GALNT7: variants seen among roughly 807,000 people sequenced by gnomAD.
GALNT7 encodes N-acetylgalactosaminyltransferase 7.
In GALNT7, 60 loss-of-function variants were observed where a neutral mutation model predicts 82.1. The ratio of observed to expected loss-of-function variants is 0.73; its 90% CI spans 0.59 to 0.91. The LOEUF is 0.91. Ranked by LOEUF, GALNT7 falls within the 40% of genes least tolerant of loss-of-function variation. GALNT7 has a pLI of 0.00. For synonymous variants in GALNT7, 243 were observed against 275.1 expected, an observed-to-expected ratio of 0.88 and a Z score of 1.15; for missense variants, 660 against 804.2, an observed-to-expected ratio of 0.82 and a Z score of 2.17.
At chr4:173,313,582 A>G (rs866578245) in intron 8 of GALNT7, among the ~76,000 whole-genome samples, 36 of 151,760 alleles carry the variant, frequency 2.4e-4, no homozygotes, top group Non-Finnish European at 3.8e-4. Context: ...AAAAAAAAAA[A>G]AAAAGAAAAG....
chr4:173,256,657 C>T (rs981470812), intron 2 of GALNT7, among the ~76,000 whole-genome samples: 3 of 151,496 alleles, frequency 2.0e-5, no homozygotes, highest in Non-Finnish European at 4.4e-5. Flanking sequence ...ACAGAGATTG[C>T]TAGGACTACA....
intron 2 of GALNT7, among the ~76,000 whole-genome samples, chr4:173,284,482 C>T (rs1011658708): frequency 1.3e-5 from 2 of 152,098 alleles, no homozygotes; most frequent in East Asian, 3.8e-4. Context: ...GAATATTAGA[C>T]CTCATTTTGG....
At chr4:173,196,966 A>G (rs1387812760) in intron 1 of GALNT7, among the ~76,000 whole-genome samples, 1 of 151,944 alleles carries the variant, frequency 6.6e-6, no homozygotes, top group African/African-American at 2.4e-5. Context: ...TAATGCATAT[A>G]GAATTTGGGT....
intron 1 of GALNT7, among the ~76,000 whole-genome samples, chr4:173,217,419 T>C (rs944208542): frequency 2.2e-4 from 34 of 152,310 alleles, no homozygotes; most frequent in African/African-American, 8.2e-4. Flanking sequence ...TAGGTTATTT[T>C]CACTTCATAT....
intron 1 of GALNT7, among the ~76,000 whole-genome samples, chr4:173,170,937 TAAAG>T (rs1386234733): frequency 1.3e-5 from 2 of 152,332 alleles, no homozygotes; most frequent in African/African-American, 2.4e-5. Context: ...ATGGTGATGA[TAAAG>T]AAGGTGATGA....
chr4:173,191,650 A>G (rs546769586), intron 1 of GALNT7, among the ~76,000 whole-genome samples: 1 of 152,322 alleles, frequency 6.6e-6, no homozygotes, highest in South Asian at 2.1e-4. Context: ...TACAAGATTG[A>G]GTAGAAGAGT....
At chr4:173,268,401 T>C (rs953915720) in intron 2 of GALNT7, among the ~76,000 whole-genome samples, 3 of 151,940 alleles carry the variant, frequency 2.0e-5, no homozygotes, top group Non-Finnish European at 4.4e-5. Context: ...GTGCTTAGGA[T>C]ACCAGGTAGC....
At chr4:173,257,867 T>G (rs984812471) in intron 2 of GALNT7, among the ~76,000 whole-genome samples, 7 of 152,192 alleles carry the variant, frequency 4.6e-5, no homozygotes, top group African/African-American at 1.4e-4. Context: ...GATTCACAAG[T>G]GTCACTTTAA....
chr4:173,305,302 T>C (rs1737112961), intron 8 of GALNT7, among the ~76,000 whole-genome samples: 1 of 152,170 alleles, frequency 6.6e-6, no homozygotes, highest in Non-Finnish European at 1.5e-5. Context: ...ACTATTGATT[T>C]GTTTGAGTTC....
chr4:173,277,143 T>G (rs777665837), intron 2 of GALNT7, among the ~76,000 whole-genome samples: 4 of 152,226 alleles, frequency 2.6e-5, no homozygotes, highest in Non-Finnish European at 5.9e-5. Context: ...GTGTAGCGTT[T>G]AGACATGGAT....
intron 2 of GALNT7, among the ~76,000 whole-genome samples, chr4:173,288,775 A>G (rs113963758): frequency 1.1e-3 from 171 of 152,192 alleles, no homozygotes; most frequent in African/African-American, 3.7e-3. Context: ...ATTGAGGACA[A>G]AAAGCCCTTA....
At position 173,302,193 on chromosome 4, in the gene GALNT7, C is replaced by T. The variant is rs370263837; in HGVS notation, c.1266+29C>T. On this transcript the variant is annotated intron_variant, in intron 7 of 11. Coordinates refer to ENST00000265000, the MANE Select transcript of GALNT7 (RefSeq NM_017423.3). This position sits in a 1 kb window ranked among gnomAD's most constrained non-coding sequence, Gnocchi z 4.2. ...ACATTTTATTTCAACAGATGGAATT[C>T]TCCAAGTCGTTACTAACTTCTGTGG... 5.1e-6 allele frequency: 5 copies of T among 983,956 alleles called. No individual in the cohort carries two copies. Among genetic ancestry groups the T allele is most frequent in the Non-Finnish European group, 8.2e-6 (5 of 606,822 alleles). 61.0% of individuals were successfully genotyped at this position (983,956 alleles called of 1,614,324 possible).
At chr4:173,194,524 T>G (rs956166125) in intron 1 of GALNT7, among the ~76,000 whole-genome samples, 2 of 152,254 alleles carry the variant, frequency 1.3e-5, no homozygotes, top group African/African-American at 4.8e-5. Context: ...TGAAGTTTAC[T>G]AATAATAAAA....
At position 173,315,119 on chromosome 4, in the gene GALNT7, G is replaced by A. The variant is rs745468564; in HGVS notation, c.1608+943G>A. On this transcript the variant is annotated intron_variant, in intron 9 of 11. Coordinates refer to ENST00000265000, the MANE Select transcript of GALNT7 (RefSeq NM_017423.3). The stretch of plus-strand genomic sequence containing the variant: ...AAGCCTCTCTGAGGAGGTGACATTC[G>A]CTCTCAGATCTGAATGATAAAGAGT... Among the ~76,000 whole-genome samples, 14 of 152,302 alleles carry A rather than the reference G, an allele frequency of 9.2e-5. No homozygotes were observed. In the East Asian group the frequency reaches 1.9e-3, roughly 21 times the overall value.
chr4:173,292,037 AATATAGTCAGCTTGGAGCCAAGCAGT>A lies in GALNT7; in HGVS notation c.588-67_588-42del. 1 of 980,984 alleles carries A rather than the reference AATATAGTCAGCTTGGAGCCAAGCAGT, an allele frequency of 1.0e-6. No individual in the cohort carries two copies. The highest frequency in any genetic ancestry group is 1.6e-6 in the Non-Finnish European group (1 of 634,226). 60.8% of individuals were successfully genotyped at this position (980,984 alleles called of 1,614,324 possible). A position where few individuals can be genotyped will look rare whatever the true frequency, so the allele number is the denominator to read the frequency against. On this transcript the variant is annotated intron_variant, in intron 2 of 11. Transcript: ENST00000265000. This position sits in a 1 kb window ranked among gnomAD's most constrained non-coding sequence, Gnocchi z 4.8. Reference sequence around the variant, plus strand: ...TCGATAGTATGTAATCCAATCAGCAAATATAGTCAGCTTGGAGCCAAGCAGTATAGATTACCTGTAAATAAATATGA... The same window carrying A: ...TCGATAGTATGTAATCCAATCAGCAAATAGATTACCTGTAAATAAATATGA...
chr4:173,300,986 G>C (rs902747863), intron 6 of GALNT7, among the ~76,000 whole-genome samples: 1 of 151,902 alleles, frequency 6.6e-6, no homozygotes, highest in Non-Finnish European at 1.5e-5. Flanking sequence ...ACATAAAAAG[G>C]TAGCTGGATG....
chr4:173,287,938 C>A (rs573738326), intron 2 of GALNT7, among the ~76,000 whole-genome samples: 2 of 152,226 alleles, frequency 1.3e-5, no homozygotes, highest in South Asian at 2.1e-4. Context: ...ATATAAAATC[C>A]CCTTTTTGTT....
chr4:173,288,233 A>C (rs1410399313), intron 2 of GALNT7, among the ~76,000 whole-genome samples: 1 of 138,206 alleles, frequency 7.2e-6, no homozygotes, highest in African/African-American at 2.8e-5. Context: ...CAGTGAGCCG[A>C]GATCGCGCCA....
intron 1 of GALNT7, among the ~76,000 whole-genome samples, chr4:173,197,914 G>T (rs1048772295): frequency 6.6e-6 from 1 of 152,170 alleles, no homozygotes; most frequent in African/African-American, 2.4e-5. Flanking sequence ...CACTTTCCTG[G>T]TTTGTAAAAT....
Sources: allele counts gnomAD v4.1 joint callset (sites outside exome capture counted in the v4.1 genomes callset), GRCh38; gene constraint gnomAD v4.1.1; non-coding constraint Gnocchi (gnomAD v3.1); transcripts MANE v1.5; gene names NCBI Gene and HGNC (gene_info 2026-07-23, HGNC 2026-07-21).